Variants in CNIH3 observed in about 807,000 individuals in gnomAD.
CNIH3 encodes the protein protein cornichon homolog 3.
In CNIH3, 14 loss-of-function variants were observed where a neutral mutation model predicts 24.1. The observed-to-expected ratio is 0.58, with a 90% CI of 0.38 to 0.91. The LOEUF (loss-of-function observed/expected upper bound fraction) is 0.91. Among genes scored for constraint, CNIH3 ranks in the 40% least tolerant of loss-of-function variants. The pLI is 0.00. For synonymous variants in CNIH3, 68 were observed against 73.8 expected (o/e 0.92, Z 0.40); for missense variants, 178 against 196.8 (o/e 0.90, Z 0.57).
chr1:224,538,160 G>A (rs1479794919), downstream of CNIH3, among the ~76,000 whole-genome samples: 2 of 152,034 alleles, frequency 1.3e-5, no homozygotes. Flanking sequence ...TATTGGCCAG[G>A]CTGGTTTTGA....
chr1:224,512,351 G>A (rs555214715), upstream of CNIH3, among the ~76,000 whole-genome samples: 214 of 152,152 alleles, frequency 1.4e-3, no homozygotes, highest in Non-Finnish European at 2.3e-3. Flanking sequence ...GCATGGTGGT[G>A]CACGCCTGTA....
At chr1:224,602,264 G>T (rs1027902221) in intron 3 of CNIH3, among the ~76,000 whole-genome samples, 2 of 150,776 alleles carry the variant, frequency 1.3e-5, no homozygotes, top group Non-Finnish European at 2.9e-5. Flanking sequence ...TGCTTGCATG[G>T]ATATTATTTT....
intron 1 of CNIH3, among the ~76,000 whole-genome samples, chr1:224,619,290 C>G (rs1683171951): frequency 1.3e-5 from 2 of 152,180 alleles, no homozygotes; most frequent in African/African-American, 2.4e-5. Flanking sequence ...ATCAGGTGTT[C>G]CCTCATCCAG....
intron 1 of CNIH3, among the ~76,000 whole-genome samples, chr1:224,475,194 A>G (rs1313976592): frequency 1.3e-5 from 2 of 150,594 alleles, no homozygotes; most frequent in South Asian, 2.1e-4. Flanking sequence ...GTCTTTACTA[A>G]AACTACAGAA....
chr1:224,664,077 C>A (rs1685485569), intron 1 of CNIH3, among the ~76,000 whole-genome samples: 2 of 151,974 alleles, frequency 1.3e-5, no homozygotes, highest in African/African-American at 4.8e-5. Flanking sequence ...TGGGAGATTG[C>A]CTTAAATCAA....
At chr1:224,551,414 C>T (rs935060191) in intron 3 of CNIH3, among the ~76,000 whole-genome samples, 3 of 152,048 alleles carry the variant, frequency 2.0e-5, no homozygotes, top group Non-Finnish European at 4.4e-5. Context: ...GAGTTCATGT[C>T]CTTTGTAGGA....
At chr1:224,515,120 G>A (rs900376737), upstream of CNIH3, among the ~76,000 whole-genome samples, 1 of 152,196 alleles carries the variant, frequency 6.6e-6, no homozygotes, top group African/African-American at 2.4e-5. Flanking sequence ...AATGTTTTTA[G>A]TGTTTTTCCT....
intron 4 of CNIH3, among the ~76,000 whole-genome samples, chr1:224,578,060 G>A (rs1681112378): frequency 6.6e-6 from 1 of 151,950 alleles, no homozygotes; most frequent in Non-Finnish European, 1.5e-5. Context: ...TGCATATTGG[G>A]TACAGTGTAC....
At chr1:224,669,812 C>G (rs749894740) in intron 1 of CNIH3, among the ~76,000 whole-genome samples, 6 of 152,090 alleles carry the variant, frequency 3.9e-5, no homozygotes, top group Admixed American at 6.5e-5. Flanking sequence ...TTGAGGACAC[C>G]GAGGCTTGGA....
At chr1:224,686,670 C>T (rs1033454045) in intron 3 of CNIH3, among the ~76,000 whole-genome samples, 1 of 152,166 alleles carries the variant, frequency 6.6e-6, no homozygotes, top group Non-Finnish European at 1.5e-5. Flanking sequence ...CCTGGATATA[C>T]CATCCTGTAT....
intron 1 of CNIH3, among the ~76,000 whole-genome samples, chr1:224,663,007 C>G (rs556171981): frequency 1.3e-5 from 2 of 152,052 alleles, no homozygotes; most frequent in Admixed American, 1.3e-4. Flanking sequence ...GAGGTTGGCA[C>G]AAAAATAATT....
At chr1:224,564,337 A>G (rs550090002) in intron 3 of CNIH3, among the ~76,000 whole-genome samples, 1 of 152,356 alleles carries the variant, frequency 6.6e-6, no homozygotes, top group East Asian at 1.9e-4. Flanking sequence ...ACGAAAATGG[A>G]GAATGATTTA....
At chr1:224,567,018 C>T (rs1236647769) in intron 4 of CNIH3, among the ~76,000 whole-genome samples, 4 of 152,218 alleles carry the variant, frequency 2.6e-5, no homozygotes, top group African/African-American at 7.2e-5. Flanking sequence ...TCCACATCCT[C>T]TCCAGCATCA....
At chr1:224,490,785 A>G (rs540557781) in intron 1 of CNIH3, among the ~76,000 whole-genome samples, 1 of 152,368 alleles carries the variant, frequency 6.6e-6, no homozygotes, top group Admixed American at 6.5e-5. Context: ...TAACTGAGCA[A>G]TGAATGATTT....
At chr1:224,727,563 A>G (rs918372647) in intron 3 of CNIH3, among the ~76,000 whole-genome samples, 3 of 152,188 alleles carry the variant, frequency 2.0e-5, no homozygotes, top group African/African-American at 7.2e-5. Flanking sequence ...GAGCTGGAAA[A>G]TGAGACCTTA....
intron 1 of CNIH3, among the ~76,000 whole-genome samples, chr1:224,474,414 G>A (rs1178534020): frequency 1.4e-5 from 2 of 147,796 alleles, no homozygotes; most frequent in Admixed American, 1.3e-4. Context: ...TGAAACAAAT[G>A]ATAGTGGAAA....
At chr1:224,614,010 C>G (rs1048152517), upstream of CNIH3, among the ~76,000 whole-genome samples, 1 of 152,034 alleles carries the variant, frequency 6.6e-6, no homozygotes, top group Non-Finnish European at 1.5e-5. Context: ...CTGCAAGAAG[C>G]TGGGACTACA....
intron 3 of CNIH3, among the ~76,000 whole-genome samples, chr1:224,552,269 T>A (rs1305145455): frequency 6.6e-6 from 1 of 151,480 alleles, no homozygotes; most frequent in Non-Finnish European, 1.5e-5. Context: ...CTTTAGATAT[T>A]ATGAATAATA....
chr1:224,607,288 C>T (rs1167180893), intron 3 of CNIH3, among the ~76,000 whole-genome samples: 1 of 152,068 alleles, frequency 6.6e-6, no homozygotes, highest in Non-Finnish European at 1.5e-5. Context: ...AGGACACACC[C>T]AGGAAAAAGG....
Sources: gnomAD v4.1 joint callset for allele counts (sites outside exome capture counted in the v4.1 genomes callset) on GRCh38, gnomAD v4.1.1 for gene constraint, MANE v1.5 for transcripts, NCBI Gene and HGNC (gene_info 2026-07-23, HGNC 2026-07-21) for gene names.